The following CHRDL1 variants were observed in gnomAD, a reference collection of about 807,000 sequenced individuals.
The protein encoded by CHRDL1 is chordin like 1, also known as chordin-like protein 1.
CHRDL1 carries 19 observed loss-of-function variants against 40.9 expected under a neutral mutation model. The observed-to-expected ratio is 0.46, with a 90% CI of 0.32 to 0.68. The LOEUF (loss-of-function observed/expected upper bound fraction) is 0.68. Among genes scored for constraint, CHRDL1 ranks in the 30% least tolerant of loss-of-function variants. The pLI is 0.03. For synonymous variants in CHRDL1, 136 were observed against 123.4 expected, an observed-to-expected ratio of 1.10 and a Z score of -0.68; for missense variants, 329 against 352.1, an observed-to-expected ratio of 0.93 and a Z score of 0.53.
At chrX:110,778,293 A>G (rs1229024019) in intron 2 of CHRDL1, among the ~76,000 whole-genome samples, 1 of 112,410 alleles carries the variant, frequency 8.9e-6, no homozygotes, top group Non-Finnish European at 1.9e-5. Context: ...ACAGCAAAAG[A>G]AAGCATCCAC....
intron 1 of CHRDL1, among the ~76,000 whole-genome samples, chrX:110,795,463 C>T (rs2090165422): frequency 9.0e-6 from 1 of 111,709 alleles, no homozygotes; most frequent in African/African-American, 3.3e-5. Context: ...CCTAAGTGAC[C>T]TCTCAAAGCG....
chrX:110,787,731 T>C (rs760041953), intron 2 of CHRDL1, among the ~76,000 whole-genome samples: 1 of 112,474 alleles, frequency 8.9e-6, no homozygotes, highest in East Asian at 2.8e-4. Context: ...ATTGGAAGCT[T>C]TTCTCTTGAG....
At chrX:110,749,870 A>T (rs2148496211) in intron 4 of CHRDL1, among the ~76,000 whole-genome samples, 1 of 112,453 alleles carries the variant, frequency 8.9e-6, no homozygotes, top group Admixed American at 9.4e-5. Context: ...GATAGCAAGG[A>T]TATCTGGTTA....
intron 4 of CHRDL1, among the ~76,000 whole-genome samples, chrX:110,743,852 T>A (rs1011435345): frequency 2.7e-5 from 3 of 111,282 alleles, no homozygotes; most frequent in East Asian, 2.8e-4. Context: ...CAGATGTACA[T>A]GAGAGTCACG....
At chrX:110,726,546 C>A (rs190715205) in intron 4 of CHRDL1, among the ~76,000 whole-genome samples, 2 of 111,861 alleles carry the variant, frequency 1.8e-5, no homozygotes, top group East Asian at 5.6e-4. Context: ...TTTTGTTATA[C>A]CAGTTCAAAC....
intron 4 of CHRDL1, among the ~76,000 whole-genome samples, chrX:110,754,774 T>C (rs888209231): frequency 2.7e-5 from 3 of 110,896 alleles, no homozygotes; most frequent in Non-Finnish European, 5.7e-5. Context: ...TTATAAGAGC[T>C]CTTTAATAAC....
chrX:110,787,087 A>C (rs762073111), intron 2 of CHRDL1, among the ~76,000 whole-genome samples: 1 of 111,720 alleles, frequency 9.0e-6, no homozygotes, highest in Non-Finnish European at 1.9e-5. Flanking sequence ...TTGAGTTTCA[A>C]GTTTCTCACC....
intron 9 of CHRDL1, among the ~76,000 whole-genome samples, chrX:110,684,164 G>A (rs1351437789): frequency 8.9e-6 from 1 of 111,949 alleles, no homozygotes; most frequent in Non-Finnish European, 1.9e-5. Context: ...TGCAAAGCAA[G>A]GTCAGCCTCT....
rs1200690946 is a variant in CHRDL1, at chrX:110,674,234, T to C, written c.*1997A>G. 1 of 111,193 alleles carries C rather than the reference T, an allele frequency of 9.0e-6. No homozygotes were observed. Among genetic ancestry groups the C allele is most frequent in the Non-Finnish European group, 1.9e-5 (1 of 53,035 alleles). The allele number at this position is 111,193 out of a possible 1,213,427, so 9.2% of individuals were successfully genotyped here. A position where few individuals can be genotyped will look rare whatever the true frequency, so the allele number is the denominator to read the frequency against. On this transcript the variant is annotated 3_prime_UTR_variant, in exon 12 of 12. Coordinates refer to ENST00000372042, the MANE Select transcript of CHRDL1 (RefSeq NM_001143981.2). ...TGCTTCCCACAGCATTTTGCAAAGG[T>C]GTGTCCCAGCACCTGGAGGCAGGAG...
At position 110,790,402 on chromosome X, in the gene CHRDL1, T is replaced by G. The variant is rs73528295; in HGVS notation, c.94+1686A>C. Reference sequence around the variant, plus strand: ...TAGTAGATTTGGGTTTGTAATTTTTTTAAGTCACATCTTTCTTTGTCTAAG... The same window carrying G: ...TAGTAGATTTGGGTTTGTAATTTTTGTAAGTCACATCTTTCTTTGTCTAAG... On this transcript the variant is annotated intron_variant, in intron 2 of 11. Coordinates refer to ENST00000372042, the MANE Select transcript of CHRDL1 (RefSeq NM_001143981.2). Among the ~76,000 whole-genome samples the G allele has an allele frequency of 2.6e-3, 291 of 112,085 alleles. 2 individuals carry two copies. Among genetic ancestry groups the G allele is most frequent in the African/African-American group, 8.2e-3 (254 of 30,804 alleles).
At chrX:110,695,467 C>T (rs1365316410) in intron 7 of CHRDL1, among the ~76,000 whole-genome samples, 1 of 110,972 alleles carries the variant, frequency 9.0e-6, no homozygotes, top group Non-Finnish European at 1.9e-5. Context: ...TGCTACCCAC[C>T]CCTCTCCCAG....
intron 2 of CHRDL1, among the ~76,000 whole-genome samples, chrX:110,770,585 A>T (rs1304087998): frequency 4.5e-5 from 5 of 111,559 alleles, no homozygotes; most frequent in Admixed American, 3.8e-4. Context: ...AACCAATGAG[A>T]TCAAAACTGG....
intron 11 of CHRDL1, among the ~76,000 whole-genome samples, chrX:110,677,575 A>G (rs1370453563): frequency 2.7e-5 from 3 of 111,710 alleles, no homozygotes; most frequent in Non-Finnish European, 5.6e-5. Context: ...AGTATGAACT[A>G]AAACATGTAA....
chrX:110,787,657 T>G (rs1273334133), intron 2 of CHRDL1, among the ~76,000 whole-genome samples: 1 of 112,085 alleles, frequency 8.9e-6, no homozygotes, highest in African/African-American at 3.2e-5. Context: ...TTCCTTCCCT[T>G]CAATCTTTTG....
chrX:110,684,574 C>T (rs2148413340), intron 9 of CHRDL1, among the ~76,000 whole-genome samples: 1 of 112,538 alleles, frequency 8.9e-6, no homozygotes, highest in East Asian at 2.8e-4. Flanking sequence ...CAGCACTCAT[C>T]ACAATCTAAA....
At chrX:110,726,955 C>A (rs2071069386) in intron 4 of CHRDL1, among the ~76,000 whole-genome samples, 1 of 112,117 alleles carries the variant, frequency 8.9e-6, no homozygotes, top group Admixed American at 9.5e-5. Flanking sequence ...TATACATTGA[C>A]AATACCTGGC....
intron 4 of CHRDL1, among the ~76,000 whole-genome samples, chrX:110,751,780 C>CA (rs911461080): frequency 3.6e-5 from 4 of 110,922 alleles, no homozygotes; most frequent in African/African-American, 1.3e-4. Context: ...GGTATATATC[C>CA]AAAAAAAGGG....
In CHRDL1 at chrX:110,675,138, GAGA is replaced by G. The variant is rs1276740287; in HGVS notation, c.*1090_*1092del. ...AAGTAAAAATCAACTCCTATAATTG[GAGA>G]AGAAGGAAAACTTCCCTTTTAAAGA... On this transcript the variant is annotated 3_prime_UTR_variant, in exon 12 of 12. Transcript: ENST00000372042. 2.7e-5 allele frequency: 3 copies of G among 111,629 alleles called. No homozygotes were observed. Among genetic ancestry groups the G allele is most frequent in the Non-Finnish European group, 5.7e-5 (3 of 53,095 alleles). 9.2% of individuals were successfully genotyped at this position (111,629 alleles called of 1,213,427 possible).
chrX:110,726,385 T>C (rs2071058148), intron 4 of CHRDL1, among the ~76,000 whole-genome samples: 1 of 111,807 alleles, frequency 8.9e-6, no homozygotes, highest in Non-Finnish European at 1.9e-5. Context: ...CCTTCTACTA[T>C]ATAGGCTCAC....
Sources: gnomAD v4.1 joint callset for allele counts (sites outside exome capture counted in the v4.1 genomes callset) on GRCh38, gnomAD v4.1.1 for gene constraint, MANE v1.5 for transcripts, NCBI Gene and HGNC (gene_info 2026-07-23, HGNC 2026-07-21) for gene names.